The following CHCHD3 variants were observed in gnomAD, a reference collection of about 807,000 sequenced individuals.
CHCHD3 encodes the protein coiled-coil-helix-coiled-coil-helix domain containing 3, also known as MICOS complex subunit MIC19.
Under a neutral mutation model 38.2 loss-of-function variants are expected in CHCHD3, and 20 were observed. The observed-to-expected ratio is 0.52, with a 90% CI of 0.37 to 0.76. The LOEUF is 0.76. CHCHD3 is among the 30% of genes least tolerant of loss of function. The pLI, the probability that CHCHD3 is intolerant of heterozygous loss-of-function variation, is 0.00. For missense variants in CHCHD3, 245 were observed against 279.2 expected (o/e 0.88, Z 0.87); for synonymous variants, 82 against 100.0 (o/e 0.82, Z 1.07).
intron 5 of CHCHD3, among the ~76,000 whole-genome samples, chr7:132,868,589 C>T (rs1808689679): frequency 6.6e-6 from 1 of 152,002 alleles, no homozygotes; most frequent in South Asian, 2.1e-4. Context: ...GCATAAGTTG[C>T]ACAAAATGAT....
intron 4 of CHCHD3, among the ~76,000 whole-genome samples, chr7:132,945,841 T>C (rs1304027792): frequency 6.6e-6 from 1 of 151,922 alleles, no homozygotes; most frequent in Non-Finnish European, 1.5e-5. Flanking sequence ...GCTTTTTTCT[T>C]CCTAAAGATT....
chr7:132,998,220 A>G (rs1181481965), intron 3 of CHCHD3, among the ~76,000 whole-genome samples: 1 of 152,250 alleles, frequency 6.6e-6, no homozygotes, highest in African/African-American at 2.4e-5. Flanking sequence ...AGAGTTGCAT[A>G]ACATCCTAAA....
chr7:132,939,961 A>C (rs567322552), intron 4 of CHCHD3, among the ~76,000 whole-genome samples: 1 of 152,312 alleles, frequency 6.6e-6, no homozygotes, highest in South Asian at 2.1e-4. Context: ...AGAGCTCCAT[A>C]AATGTATCAC....
chr7:133,000,184 G>T (rs1311213477), intron 3 of CHCHD3, among the ~76,000 whole-genome samples: 1 of 152,128 alleles, frequency 6.6e-6, no homozygotes, highest in Non-Finnish European at 1.5e-5. Context: ...TGCCACCAGA[G>T]TCATTGAGAG....
chr7:132,886,972 A>ACTT (rs1562896966), intron 4 of CHCHD3: 1 of 1,304,204 alleles, frequency 7.7e-7, no homozygotes, highest in Non-Finnish European at 9.8e-7. Context: ...TTTGCTACTT[A>ACTT]CTTTGTCTTC....
intron 1 of CHCHD3, among the ~76,000 whole-genome samples, chr7:133,073,428 T>A (rs1164555435): frequency 6.6e-6 from 1 of 152,108 alleles, no homozygotes; most frequent in Admixed American, 6.6e-5. Context: ...AGAAGCCCGG[T>A]CTCCACACTG....
chr7:133,015,542 A>C (rs1310081408), intron 3 of CHCHD3, among the ~76,000 whole-genome samples: 1 of 152,072 alleles, frequency 6.6e-6, no homozygotes, highest in Non-Finnish European at 1.5e-5. Context: ...TTTTTAAGAG[A>C]CCTAAGAGAC....
intron 3 of CHCHD3, among the ~76,000 whole-genome samples, chr7:133,003,291 A>G (rs1812617891): frequency 6.6e-6 from 1 of 152,206 alleles, no homozygotes; most frequent in Non-Finnish European, 1.5e-5. Context: ...GGGCTAAAGC[A>G]GCACAGAGTT....
chr7:132,991,670 C>T (rs1025279883), intron 3 of CHCHD3, among the ~76,000 whole-genome samples: 2 of 152,102 alleles, frequency 1.3e-5, no homozygotes, highest in Non-Finnish European at 1.5e-5. Flanking sequence ...AAGATGAAAT[C>T]GTTTGAATGC....
intron 2 of CHCHD3, among the ~76,000 whole-genome samples, chr7:133,030,335 G>A (rs151175683): frequency 6.6e-6 from 1 of 152,230 alleles, no homozygotes; most frequent in Non-Finnish European, 1.5e-5. Flanking sequence ...TATTTAAAAT[G>A]GCCTTTCTGA....
chr7:133,035,665 C>T lies in CHCHD3; in HGVS notation c.170-11038G>A. ...TGGGCTGCTGCCTCTGGAGTACTTC[C>T]CCGCAGCTCCTCATTGCTCACATAG... is the stretch of plus-strand genomic sequence containing the variant. On this transcript the variant is annotated intron_variant, in intron 2 of 7. Transcript: ENST00000262570. This position sits in a 1 kb window ranked among gnomAD's most constrained non-coding sequence, Gnocchi z 4.7. 1.9e-6 allele frequency: 3 copies of T among 1,612,242 alleles called. No homozygotes were observed. Among genetic ancestry groups the T allele is most frequent in the Non-Finnish European group, 1.7e-6 (2 of 1,178,878 alleles).
chr7:132,928,954 C>G (rs544495454), intron 4 of CHCHD3, among the ~76,000 whole-genome samples: 1 of 152,192 alleles, frequency 6.6e-6, no homozygotes, highest in East Asian at 1.9e-4. Context: ...TTATTATCAC[C>G]TCTTTCTTAC....
intron 1 of CHCHD3, among the ~76,000 whole-genome samples, chr7:133,079,662 A>C (rs549107884): frequency 1.3e-5 from 2 of 152,354 alleles, no homozygotes; most frequent in Admixed American, 6.5e-5. Context: ...AGGCTAATAA[A>C]TAACTAACCT....
At chr7:132,957,602 C>A (rs142445323) in intron 4 of CHCHD3, among the ~76,000 whole-genome samples, 231 of 152,288 alleles carry the variant, frequency 1.5e-3, no homozygotes, top group Middle Eastern at 0.014. Flanking sequence ...CCTGCCTCAG[C>A]CTCCGAGTAG....
chr7:132,821,856 G>A (rs921828965), intron 6 of CHCHD3, among the ~76,000 whole-genome samples: 1 of 141,662 alleles, frequency 7.1e-6, no homozygotes, highest in Admixed American at 7.7e-5. Flanking sequence ...TCCGCTTCCC[G>A]GGTTCACGCC....
chr7:132,898,210 T>C (rs986878294), intron 4 of CHCHD3, among the ~76,000 whole-genome samples: 24 of 152,306 alleles, frequency 1.6e-4, no homozygotes, highest in Middle Eastern at 3.4e-3. Context: ...GCTTCCACAG[T>C]GTGGAAAGGG....
In CHCHD3 at chr7:132,794,549, G is replaced by A. The variant is rs144475170; in HGVS notation, c.660+1893C>T. Among the ~76,000 whole-genome samples the A allele has an allele frequency of 3.0e-3, 453 of 152,226 alleles. 2 individuals carry two copies. The highest frequency in any genetic ancestry group is 0.01 in the African/African-American group (426 of 41,526). ...AATGTTGCCCATCTCAGGAAAAAAG[G>A]TTTGAGGGCTTCTATCTTTTTATTA... On this transcript the variant is annotated intron_variant, in intron 7 of 7. Transcript: ENST00000262570.
rs975671242 is a variant in CHCHD3 at position 133,035,975 on chromosome 7, G to A, written c.170-11348C>T. ...GTCTTAAAAGTGTTATCAGGTAGGG[G>A]TCCTTAGGGGAACTGTTTTAATGAA... On this transcript the variant is annotated intron_variant, in intron 2 of 7. Transcript: ENST00000262570. The surrounding 1 kb of genome is among the most constrained non-coding windows in gnomAD (Gnocchi z 4.7). 6 of 1,197,392 alleles carry A rather than the reference G, an allele frequency of 5.0e-6. No individual in the cohort carries two copies. The African/African-American group carries it at 6.0e-5, about 12-fold the overall frequency. 74.2% of individuals were successfully genotyped at this position (1,197,392 alleles called of 1,614,324 possible).
chr7:132,842,094 T>C (rs1186086349), intron 5 of CHCHD3, among the ~76,000 whole-genome samples: 1 of 151,486 alleles, frequency 6.6e-6, no homozygotes, highest in Non-Finnish European at 1.5e-5. Context: ...CAAGACTCCA[T>C]CTCGAGAAAA....
Sources: allele counts gnomAD v4.1 joint callset (sites outside exome capture counted in the v4.1 genomes callset), GRCh38; gene constraint gnomAD v4.1.1; non-coding constraint Gnocchi (gnomAD v3.1); transcripts MANE v1.5; gene names NCBI Gene and HGNC (gene_info 2026-07-23, HGNC 2026-07-21).